Variants in EGFR observed in about 807,000 individuals in gnomAD.
EGFR encodes avian erythroblastic leukemia viral (v-erb-b) oncogene homolog.
A neutral mutation model predicts 143.0 loss-of-function variants in EGFR; 58 were observed. The ratio of observed to expected loss-of-function variants is 0.41; its 90% CI spans 0.33 to 0.50. The LOEUF is 0.50. Ranked by LOEUF, EGFR falls within the 20% of genes least tolerant of loss-of-function variation. The pLI, the probability that EGFR is intolerant of heterozygous loss-of-function variation, is 0.39. For synonymous variants in EGFR, 613 were observed against 594.4 expected, an observed-to-expected ratio of 1.03 and a Z score of -0.45; for missense variants, 1,307 against 1,579.0, an observed-to-expected ratio of 0.83 and a Z score of 2.92.
chr7:55,157,838 G>C (rs1310567395), intron 11 of EGFR, 85 bp downstream of exon 11: 2 of 1,339,034 alleles, frequency 1.5e-6, no homozygotes, highest in East Asian at 2.3e-5. Flanking sequence ...TGCTAAGATA[G>C]GGCACAGAGC....
At chr7:55,042,334 A>G (rs947204972) in intron 1 of EGFR, among the ~76,000 whole-genome samples, 12 of 152,224 alleles carry the variant, frequency 7.9e-5, no homozygotes, top group Admixed American at 2.6e-4. Flanking sequence ...AAGAGGTAGA[A>G]GTTACATCCT....
At chr7:55,181,569 T>C (rs1786881692) in intron 20 of EGFR, 91 bp downstream of exon 20, 3 of 1,487,946 alleles carry the variant, frequency 2.0e-6, no homozygotes, top group African/African-American at 2.8e-5. Flanking sequence ...GAGTTTGCCA[T>C]GGGGATATGT....
intron 22 of EGFR, among the ~76,000 whole-genome samples, chr7:55,195,979 A>C (rs371018291): frequency 3.4e-4 from 51 of 152,220 alleles, no homozygotes; most frequent in African/African-American, 1.2e-3. Flanking sequence ...CTGCAGTGAA[A>C]ATACGCATGC....
chr7:55,091,847 AACACACACACACACAC>A (rs71014681), intron 1 of EGFR, among the ~76,000 whole-genome samples: 2 of 132,096 alleles, frequency 1.5e-5, no homozygotes, highest in African/African-American at 2.9e-5. Flanking sequence ...ACCCACTGTA[AACACACACACACACAC>A]ACACACACAC....
At chr7:55,084,929 A>G (rs1436351393) in intron 1 of EGFR, among the ~76,000 whole-genome samples, 2 of 152,172 alleles carry the variant, frequency 1.3e-5, no homozygotes, top group African/African-American at 4.8e-5. Context: ...GTACAGCCCC[A>G]TCCGTGATCT....
chr7:55,191,349 G>T (rs1488168599), intron 20 of EGFR, among the ~76,000 whole-genome samples: 1 of 152,050 alleles, frequency 6.6e-6, no homozygotes, highest in Non-Finnish European at 1.5e-5. Flanking sequence ...GGAGGGCATG[G>T]TCCCCGCCAC....
At chr7:55,070,657 T>A (rs1789767716) in intron 1 of EGFR, among the ~76,000 whole-genome samples, 1 of 152,224 alleles carries the variant, frequency 6.6e-6, no homozygotes, top group Non-Finnish European at 1.5e-5. Context: ...GGCGATTATT[T>A]GCAAACGGCC....
intron 1 of EGFR, among the ~76,000 whole-genome samples, chr7:55,051,147 G>T (rs946228943): frequency 1.3e-5 from 2 of 152,220 alleles, no homozygotes; most frequent in African/African-American, 4.8e-5. Flanking sequence ...GATTCCAGTT[G>T]CTGCTGAGGT....
At chr7:55,173,409 C>T (rs1023387251) in intron 17 of EGFR, among the ~76,000 whole-genome samples, 2 of 152,346 alleles carry the variant, frequency 1.3e-5, no homozygotes, top group Non-Finnish European at 2.9e-5. Context: ...GCCAGGAAGC[C>T]TGGCTGTTGA....
In EGFR at chr7:55,205,746, T is replaced by C; in HGVS notation, c.*129T>C. On this transcript the variant is annotated 3_prime_UTR_variant, in exon 28 of 28. Transcript: ENST00000275493. The stretch of plus-strand genomic sequence containing the variant: ...AGACCCACAGACTGGTTTTGCAACG[T>C]TTACACCGACTAGCCAGGAAGTACT... 1 of 1,449,266 alleles carries C rather than the reference T, an allele frequency of 6.9e-7. No homozygotes were observed. The highest frequency in any genetic ancestry group is 1.7e-5 in the Admixed American group (1 of 57,376). 89.8% of individuals were successfully genotyped at this position (1,449,266 alleles called of 1,614,324 possible).
At chr7:55,141,856 C>A (rs1027125649) in intron 1 of EGFR, among the ~76,000 whole-genome samples, 3 of 152,118 alleles carry the variant, frequency 2.0e-5, no homozygotes, top group African/African-American at 7.2e-5. Context: ...CGTGAAATAC[C>A]TTGTGAAATT....
chr7:55,037,810 ACTT>A (rs1343236156), intron 1 of EGFR, among the ~76,000 whole-genome samples: 1 of 152,196 alleles, frequency 6.6e-6, no homozygotes, highest in East Asian at 1.9e-4. Context: ...ATAGATTCTG[ACTT>A]CTTTTTTTCT....
intron 1 of EGFR, among the ~76,000 whole-genome samples, chr7:55,059,047 G>A (rs1301583685): frequency 6.6e-6 from 1 of 152,222 alleles, no homozygotes; most frequent in Non-Finnish European, 1.5e-5. Flanking sequence ...TTTCACACTT[G>A]TGGGTGAATG....
rs759219499 is a variant in EGFR, at chr7:55,142,355, G to A, written c.158G>A (p.Arg53Lys). 5.6e-6 allele frequency: 9 copies of A among 1,614,080 alleles called. No homozygotes were observed. In the South Asian group the frequency reaches 8.8e-5, roughly 16 times the overall value. ...TFEDHFLSLQRMFNNCEVVLG... is the reference protein window; with the variant it reads ...TFEDHFLSLQKMFNNCEVVLG... ...GAAGATCATTTTCTCAGCCTCCAGA[G>A]GATGTTCAATAACTGTGAGGTGGTC... The change falls in exon 2 of 28, where the codon AGG becomes AAG. Residue 53 changes from arginine (R) to lysine (K), a missense_variant. Transcript: ENST00000275493.
chr7:55,089,295 C>A (rs558368069), intron 1 of EGFR, among the ~76,000 whole-genome samples: 1 of 152,126 alleles, frequency 6.6e-6, no homozygotes, highest in African/African-American at 2.4e-5. Flanking sequence ...GCTTTGCAGC[C>A]CGTACACTGG....
chr7:55,073,292 A>C (rs1789939654), intron 1 of EGFR, among the ~76,000 whole-genome samples: 1 of 152,326 alleles, frequency 6.6e-6, no homozygotes, highest in South Asian at 2.1e-4. Context: ...ACAAGTTATC[A>C]AGCCTCTCAA....
intron 1 of EGFR, among the ~76,000 whole-genome samples, chr7:55,041,736 T>G (rs1487206725): frequency 1.3e-5 from 2 of 152,246 alleles, no homozygotes; most frequent in Non-Finnish European, 2.9e-5. Flanking sequence ...AAAACAGTTA[T>G]GTCCAAAGGA....
At chr7:55,102,143 A>T (rs763133549) in intron 1 of EGFR, among the ~76,000 whole-genome samples, 3 of 152,058 alleles carry the variant, frequency 2.0e-5, no homozygotes, top group Non-Finnish European at 4.4e-5. Flanking sequence ...AAGCCCACTT[A>T]TGTGACCCAC....
At chr7:55,047,334 T>C (rs1185006756) in intron 1 of EGFR, among the ~76,000 whole-genome samples, 2 of 152,240 alleles carry the variant, frequency 1.3e-5, no homozygotes, top group African/African-American at 2.4e-5. Flanking sequence ...TGGAGTATTG[T>C]TATGCAGGAA....
Sources: gnomAD v4.1 joint callset for allele counts (sites outside exome capture counted in the v4.1 genomes callset) on GRCh38, gnomAD v4.1.1 for gene constraint, MANE v1.5 for transcripts, NCBI Gene and HGNC (gene_info 2026-07-23, HGNC 2026-07-21) for gene names.